Variants in SHISA6 observed in about 807,000 individuals in gnomAD.
SHISA6 encodes protein shisa-6.
Under a neutral mutation model 47.9 loss-of-function variants are expected in SHISA6, and 22 were observed. That is an observed-to-expected ratio of 0.46 (90% confidence interval 0.33 to 0.66). The LOEUF is 0.66. Among genes scored for constraint, SHISA6 ranks in the 30% least tolerant of loss-of-function variants. The pLI, the probability that SHISA6 is intolerant of heterozygous loss-of-function variation, is 0.02. For synonymous variants in SHISA6, 388 were observed against 337.8 expected (o/e 1.15, Z -1.63); for missense variants, 680 against 764.6 (o/e 0.89, Z 1.30).
chr17:11,253,257 G>A (rs375914216), intron 1 of SHISA6, among the ~76,000 whole-genome samples: 1 of 151,566 alleles, frequency 6.6e-6, no homozygotes, highest in Non-Finnish European at 1.5e-5. Context: ...TCATTAAGCC[G>A]CATCGATTTA....
chr17:11,411,752 GAGAACCTCTGCATGT>G (rs1285733828), intron 3 of SHISA6, among the ~76,000 whole-genome samples: 1 of 152,168 alleles, frequency 6.6e-6, no homozygotes, highest in Non-Finnish European at 1.5e-5. Flanking sequence ...GGCTGGCATG[GAGAACCTCTGCATGT>G]TAGGGAGCAT....
intron 3 of SHISA6, among the ~76,000 whole-genome samples, chr17:11,535,517 G>A (rs370476468): frequency 1.3e-5 from 2 of 152,300 alleles, no homozygotes; most frequent in South Asian, 2.1e-4. Flanking sequence ...TTTTTAGGGT[G>A]AGTGTAAGAA....
chr17:11,427,903 G>A (rs1914648623), intron 3 of SHISA6, among the ~76,000 whole-genome samples: 1 of 152,144 alleles, frequency 6.6e-6, no homozygotes, highest in Admixed American at 6.5e-5. Flanking sequence ...GACCATTCTT[G>A]GCTCCAGCTG....
intron 3 of SHISA6, among the ~76,000 whole-genome samples, chr17:11,496,763 G>A (rs1033385878): frequency 1.4e-5 from 2 of 138,050 alleles, no homozygotes; most frequent in Non-Finnish European, 3.2e-5. Flanking sequence ...AAAAAAAAAA[G>A]AATGGGATAG....
intron 3 of SHISA6, among the ~76,000 whole-genome samples, chr17:11,499,738 G>A (rs1311777510): frequency 8.1e-6 from 1 of 123,470 alleles, no homozygotes; most frequent in African/African-American, 3.2e-5. Context: ...GTCTCACTCT[G>A]TTGCCCAGGC....
chr17:11,465,186 T>A (rs1036870261), intron 3 of SHISA6, among the ~76,000 whole-genome samples: 1 of 152,308 alleles, frequency 6.6e-6, no homozygotes, highest in East Asian at 1.9e-4. Flanking sequence ...TGTCCTTTCC[T>A]GCTCCCCTCG....
At chr17:11,387,508 C>G (rs766800664) in intron 3 of SHISA6, among the ~76,000 whole-genome samples, 14 of 152,138 alleles carry the variant, frequency 9.2e-5, no homozygotes, top group Non-Finnish European at 1.6e-4. Context: ...CCTGCTATAT[C>G]TGACTCTGAG....
chr17:11,366,449 T>C (rs1181652320), intron 2 of SHISA6, among the ~76,000 whole-genome samples: 2 of 152,234 alleles, frequency 1.3e-5, no homozygotes, highest in Non-Finnish European at 2.9e-5. Context: ...TACATTTGTA[T>C]GTTAAGTGTA....
chr17:11,524,105 A>G (rs2071655547), intron 3 of SHISA6, among the ~76,000 whole-genome samples: 1 of 151,894 alleles, frequency 6.6e-6, no homozygotes, highest in African/African-American at 2.4e-5. Context: ...AAGAAAGAGA[A>G]AGAAAGAAAA....
intron 2 of SHISA6, among the ~76,000 whole-genome samples, chr17:11,360,592 G>A (rs570761629): frequency 6.6e-6 from 1 of 151,592 alleles, no homozygotes; most frequent in East Asian, 1.9e-4. Context: ...AGAACACATG[G>A]ACACAGGGAG....
chr17:11,279,290 G>C (rs923042582), intron 2 of SHISA6, among the ~76,000 whole-genome samples: 82 of 152,230 alleles, frequency 5.4e-4, no homozygotes, highest in African/African-American at 1.9e-3. Flanking sequence ...CTGGGTCTCT[G>C]CTTGCTTTTC....
chr17:11,454,162 C>T (rs756354410), intron 3 of SHISA6, among the ~76,000 whole-genome samples: 2 of 152,118 alleles, frequency 1.3e-5, no homozygotes, highest in African/African-American at 2.4e-5. Context: ...CATTCTTTAT[C>T]GCTGTCTCTT....
At chr17:11,432,699 A>G (rs953651244) in intron 3 of SHISA6, among the ~76,000 whole-genome samples, 1 of 152,222 alleles carries the variant, frequency 6.6e-6, no homozygotes, top group Non-Finnish European at 1.5e-5. Context: ...ACAATAACAT[A>G]TGTCTACCCA....
At chr17:11,291,418 G>A (rs995075946) in intron 2 of SHISA6, among the ~76,000 whole-genome samples, 11 of 151,950 alleles carry the variant, frequency 7.2e-5, no homozygotes, top group African/African-American at 2.7e-4. Flanking sequence ...GGCAGATCAT[G>A]AGATCACGAG....
intron 2 of SHISA6, among the ~76,000 whole-genome samples, chr17:11,303,185 G>A (rs956109206): frequency 6.6e-6 from 1 of 152,050 alleles, no homozygotes; most frequent in Non-Finnish European, 1.5e-5. Flanking sequence ...TTATGTTTGA[G>A]TGTGTGTGCT....
intron 2 of SHISA6, among the ~76,000 whole-genome samples, chr17:11,379,196 A>G (rs915910922): frequency 1.3e-5 from 2 of 148,190 alleles, no homozygotes; most frequent in Admixed American, 1.4e-4. Flanking sequence ...ATAATTATAT[A>G]TGTGTATATG....
intron 3 of SHISA6, among the ~76,000 whole-genome samples, chr17:11,495,625 G>C (rs931890832): frequency 9.2e-5 from 14 of 152,194 alleles, no homozygotes. Flanking sequence ...CCATCCCCTA[G>C]ATATGTCCCA....
chr17:11,423,271 G>C (rs980643470), intron 3 of SHISA6, among the ~76,000 whole-genome samples: 4 of 144,554 alleles, frequency 2.8e-5, no homozygotes, highest in African/African-American at 7.7e-5. Context: ...TATATATATG[G>C]CAGTAACATA....
intron 3 of SHISA6, among the ~76,000 whole-genome samples, chr17:11,446,628 G>A (rs573808631): frequency 1.3e-5 from 2 of 152,350 alleles, no homozygotes; most frequent in South Asian, 4.1e-4. Flanking sequence ...TTGGGCAGAG[G>A]TGTGTGGGTA....
Sources: gnomAD v4.1 joint callset for allele counts (sites outside exome capture counted in the v4.1 genomes callset) on GRCh38, gnomAD v4.1.1 for gene constraint, MANE v1.5 for transcripts, NCBI Gene and HGNC (gene_info 2026-07-23, HGNC 2026-07-21) for gene names.